Variants in KIF26A observed in about 807,000 individuals in gnomAD.
The protein encoded by KIF26A is kinesin family member 26A.
A neutral mutation model predicts 126.0 loss-of-function variants in KIF26A; 74 were observed. The observed-to-expected ratio is 0.59, with a 90% confidence interval of 0.49 to 0.71. KIF26A has a LOEUF of 0.71. Among genes scored for constraint, KIF26A ranks in the 30% least tolerant of loss-of-function variants. The pLI is 0.00. For missense variants in KIF26A, 2,984 were observed against 2,763.3 expected, an observed-to-expected ratio of 1.08 and a Z score of -1.79; for synonymous variants, 1,445 against 1,232.7, an observed-to-expected ratio of 1.17 and a Z score of -3.61.
Position 104,179,863 on chromosome 14 carries a change from G to A in KIF26A, c.*73G>A. Reference sequence around the variant, plus strand: ...GGGACGTGGGACGGAGCGAGGATGTGGTGGGGGCTGCGGGGGGAGGATGCG... The same window carrying A: ...GGGACGTGGGACGGAGCGAGGATGTAGTGGGGGCTGCGGGGGGAGGATGCG... On this transcript the variant is annotated 3_prime_UTR_variant, in exon 15 of 15. Transcript: ENST00000423312. The A allele has an allele frequency of 1.4e-6, 2 of 1,396,712 alleles. No individual in the cohort carries two copies. Among genetic ancestry groups the A allele is most frequent in the Non-Finnish European group, 1.9e-6 (2 of 1,053,744 alleles). The allele number at this position is 1,396,712 out of a possible 1,614,324, so 86.5% of individuals were successfully genotyped here.
rs368951828 is a variant in KIF26A at position 104,176,313 on chromosome 14, G to A, written c.3525G>A (p.Pro1175=). ...ACAGTCCTGGGCCAACCTGGGGTCCGTGCCCTGGGGAAGTGGCTGCAGTGG... is the reference window on the plus strand; with the variant it reads ...ACAGTCCTGGGCCAACCTGGGGTCCATGCCCTGGGGAAGTGGCTGCAGTGG... ...RPDSPGPTWG[P]CPGEVAAVAP... is the part of the protein sequence containing the mutation. The change falls in exon 12 of 15, where the codon CCG becomes CCA. Residue 1175 remains proline, a synonymous_variant. Transcript: ENST00000423312. The A allele has an allele frequency of 4.9e-5, 78 of 1,584,052 alleles. 1 individual carries two copies. In the African/African-American group the frequency reaches 8.7e-4, roughly 18 times the overall value.
At chr14:104,179,462 G>C in intron 14 of KIF26A, 76 bp downstream of exon 14, 1 of 1,438,592 alleles carries the variant, frequency 7.0e-7, no homozygotes, top group South Asian at 1.4e-5. Flanking sequence ...CCAGAGCCCT[G>C]TTGCTCTCCT....
At chr14:104,143,625 G>C (rs548754143) in intron 2 of KIF26A, among the ~76,000 whole-genome samples, 368 of 152,356 alleles carry the variant, frequency 2.4e-3, no homozygotes, top group African/African-American at 8.3e-3. Context: ...ATAGGCAATG[G>C]TCCTGGGAGG....
chr14:104,155,243 C>T (rs974684182), intron 3 of KIF26A, among the ~76,000 whole-genome samples: 4 of 152,182 alleles, frequency 2.6e-5, no homozygotes, highest in East Asian at 1.9e-4. Context: ...GTGTCTTTCA[C>T]GGGCCAGAAC....
In KIF26A at chr14:104,175,952, C is replaced by G. The variant is rs768956787; in HGVS notation, c.3164C>G (p.Ala1055Gly). 2 of 1,566,222 alleles carry G rather than the reference C, an allele frequency of 1.3e-6. No homozygotes were observed. Among genetic ancestry groups the G allele is most frequent in the African/African-American group, 1.3e-5 (1 of 74,154 alleles). ...GGAGCTGGGCGGCCCACCAGCCTGGCTAGCTTCGACAGTGACTGCTCCCTG... is the reference window on the plus strand; with the variant it reads ...GGAGCTGGGCGGCCCACCAGCCTGGGTAGCTTCGACAGTGACTGCTCCCTG... The part of the protein sequence containing the change: ...LAGAGRPTSL[A>G]SFDSDCSLRA... The change falls in exon 12 of 15, where the codon GCT (alanine) becomes GGT (glycine). Residue 1055 changes from alanine (A) to glycine (G), a missense_variant. Ala to Gly is a moderately conservative substitution (Grantham distance 60). Coordinates refer to ENST00000423312, the MANE Select transcript of KIF26A (RefSeq NM_015656.2).
At position 104,176,622 on chromosome 14, in the gene KIF26A, C is replaced by T; in HGVS notation, c.3834C>T (p.Ala1278=). ...PRLPEAQVML[A]CAQRVVDGCE... The stretch of plus-strand genomic sequence containing the variant: ...TGCCTGAGGCCCAGGTGATGCTAGC[C>T]TGTGCCCAGAGAGTGGTGGACGGGT... Residue 1278 remains alanine, a synonymous_variant, in exon 12 of 15, where the codon GCC becomes GCT. Transcript: ENST00000423312. 1.2e-6 allele frequency: 2 copies of T among 1,608,592 alleles called. No individual in the cohort carries two copies. Among genetic ancestry groups the T allele is most frequent in the South Asian group, 2.2e-5 (2 of 90,934 alleles).
chr14:104,156,080 C>T (rs1332396388), intron 3 of KIF26A, among the ~76,000 whole-genome samples: 1 of 152,092 alleles, frequency 6.6e-6, no homozygotes, highest in Non-Finnish European at 1.5e-5. Context: ...TGGTGCGGCC[C>T]CGGCCCCCAG....
chr14:104,169,214 G>A (rs1341849492), intron 5 of KIF26A, among the ~76,000 whole-genome samples: 3 of 152,234 alleles, frequency 2.0e-5, no homozygotes, highest in Non-Finnish European at 4.4e-5. Flanking sequence ...AGGTGTGGGC[G>A]GTGGTGGGCA....
Position 104,177,095 on chromosome 14 carries a change from C to G in KIF26A, c.4307C>G (p.Ala1436Gly). The change falls in exon 12 of 15, where the codon GCG (alanine) becomes GGG (glycine). Residue 1436 changes from alanine to glycine, a missense_variant. By Grantham distance (60) the Ala-to-Gly change is moderately conservative (BLOSUM62 0). Coordinates refer to ENST00000423312, the MANE Select transcript of KIF26A (RefSeq NM_015656.2). ...VEAAHRLAGH[A>G]SLERYEGLAH... Reference sequence around the variant, plus strand: ...GCAGCACACCGTCTTGCCGGACACGCGTCTCTGGAGCGGTACGAAGGCCTG... The same window carrying G: ...GCAGCACACCGTCTTGCCGGACACGGGTCTCTGGAGCGGTACGAAGGCCTG... The G allele has an allele frequency of 6.3e-7, 1 of 1,597,054 alleles. No homozygotes were observed. The highest frequency in any genetic ancestry group is 8.5e-7 in the Non-Finnish European group (1 of 1,179,208).
intron 12 of KIF26A, 65 bp downstream of exon 12, chr14:104,177,963 C>T: frequency 1.4e-6 from 2 of 1,394,732 alleles, no homozygotes; most frequent in Non-Finnish European, 1.9e-6. Flanking sequence ...GTGCACAGCC[C>T]TCTACAGTTT....
intron 4 of KIF26A, among the ~76,000 whole-genome samples, chr14:104,160,700 C>T (rs888420592): frequency 6.6e-6 from 1 of 152,210 alleles, no homozygotes; most frequent in Non-Finnish European, 1.5e-5. Context: ...TCTGATGACG[C>T]TGTCTGAGGC....
chr14:104,148,187 A>G lies in KIF26A; in HGVS notation c.289-3828A>G, dbSNP rs1049322364. On this transcript the variant is annotated intron_variant, in intron 2 of 14. Coordinates refer to ENST00000423312, the MANE Select transcript of KIF26A (RefSeq NM_015656.2). This position sits in a 1 kb window ranked among gnomAD's most constrained non-coding sequence, Gnocchi z 4.3. ...AGGAGAAAATGGAAGGATTACTTAA[A>G]GCAACTCGGAGACCCCAGAAACAAA... 6.6e-6 allele frequency among the ~76,000 whole-genome samples: 1 copy of G among 152,214 alleles called. No individual in the cohort carries two copies. Among genetic ancestry groups the G allele is most frequent in the African/African-American group, 2.4e-5 (1 of 41,454 alleles).
chr14:104,175,835 C>G lies in KIF26A; in HGVS notation c.3047C>G (p.Thr1016Ser). 6.5e-7 allele frequency: 1 copy of G among 1,538,868 alleles called. No individual in the cohort carries two copies. The highest frequency in any genetic ancestry group is 8.7e-7 in the Non-Finnish European group (1 of 1,147,222). ...SRCPERGLLT[T>S]TVTLQRPVEL... ...TGTCCGGAGCGGGGCCTGCTCACCA[C>G]CACAGTGACCCTGCAGCGGCCAGTG... Residue 1016 changes from threonine (T) to serine (S), a missense_variant, in exon 12 of 15, where the codon ACC becomes AGC. Coordinates refer to ENST00000423312, the MANE Select transcript of KIF26A (RefSeq NM_015656.2).
chr14:104,147,845 C>T (rs2037693334), intron 2 of KIF26A, among the ~76,000 whole-genome samples: 2 of 152,186 alleles, frequency 1.3e-5, no homozygotes, highest in Non-Finnish European at 2.9e-5. Context: ...TGCCTCACTG[C>T]GTGGGTCGGG....
intron 7 of KIF26A, 39 bp from the exon 8 acceptor site, chr14:104,172,938 G>T: frequency 6.5e-7 from 1 of 1,537,546 alleles, no homozygotes; most frequent in South Asian, 1.3e-5. Flanking sequence ...GGCTCCTTGC[G>T]TGGTGTGTGG....
intron 4 of KIF26A, among the ~76,000 whole-genome samples, chr14:104,159,742 GGC>G (rs2037816104): frequency 6.6e-6 from 1 of 152,226 alleles, no homozygotes; most frequent in Admixed American, 6.5e-5. Flanking sequence ...CACTGCAGGT[GGC>G]AGGTCGTGGT....
intron 4 of KIF26A, among the ~76,000 whole-genome samples, chr14:104,165,822 T>C (rs2037892282): frequency 6.6e-6 from 1 of 152,144 alleles, no homozygotes; most frequent in Admixed American, 6.5e-5. Flanking sequence ...TGTGTTTCTG[T>C]GTGCATGTGT....
chr14:104,179,580 G>A (rs567557355), intron 14 of KIF26A, 29 bp from the exon 15 acceptor site: 7 of 1,483,460 alleles, frequency 4.7e-6, no homozygotes, highest in South Asian at 1.3e-5. Flanking sequence ...CCTGACGCAG[G>A]TGCCCCTCCC....
chr14:104,153,283 G>A (rs1196173621), intron 3 of KIF26A, among the ~76,000 whole-genome samples: 3 of 152,140 alleles, frequency 2.0e-5, no homozygotes, highest in African/African-American at 7.2e-5. Flanking sequence ...TTCTGAGGCT[G>A]CTGGGCTGCC....
Sources: allele counts gnomAD v4.1 joint callset (sites outside exome capture counted in the v4.1 genomes callset), GRCh38; gene constraint gnomAD v4.1.1; non-coding constraint Gnocchi (gnomAD v3.1); transcripts MANE v1.5; gene names NCBI Gene and HGNC (gene_info 2026-07-23, HGNC 2026-07-21).